Variants in NXN observed in about 807,000 individuals in gnomAD.
NXN encodes the protein nucleoredoxin.
A neutral mutation model predicts 48.6 loss-of-function variants in NXN; 16 were observed. The observed-to-expected ratio is 0.33, with a 90% CI of 0.22 to 0.50. The LOEUF is 0.50. Ranked by LOEUF, NXN falls within the 20% of genes least tolerant of loss-of-function variation. The probability of loss-of-function intolerance (pLI) is 0.98; values close to 1 mark genes in which losing one functional copy is unlikely to be tolerated. For synonymous variants in NXN, 281 were observed against 269.6 expected (o/e 1.04, Z -0.41); for missense variants, 492 against 605.5 (o/e 0.81, Z 1.97).
At position 956,707 on chromosome 17, in the gene NXN, G is replaced by A. The variant is rs999060384; in HGVS notation, c.360+22612C>T. Among the ~76,000 whole-genome samples, 5 of 152,160 alleles carry A rather than the reference G, an allele frequency of 3.3e-5. No homozygotes were observed. Among genetic ancestry groups the A allele is most frequent in the Non-Finnish European group, 5.9e-5 (4 of 68,040 alleles). On this transcript the variant is annotated intron_variant, in intron 1 of 7. Coordinates refer to ENST00000336868, the MANE Select transcript of NXN (RefSeq NM_022463.5). The surrounding 1 kb of genome is among the most constrained non-coding windows in gnomAD (Gnocchi z 4.1). ...TGGGATTACAGGCGTGAGCCACCGC[G>A]CCTGGCCAAGAGCTTTTTATATCAG...
In NXN at chr17:920,765, C is replaced by T. The variant is rs374419735; in HGVS notation, c.360+58554G>A. Reference sequence around the variant, plus strand: ...TGAAACAGAGTCTCGCCCTGTTGCCCAGGCTGGAGTGCAGTGGTGGGATCT... The same window carrying T: ...TGAAACAGAGTCTCGCCCTGTTGCCTAGGCTGGAGTGCAGTGGTGGGATCT... On this transcript the variant is annotated intron_variant, in intron 1 of 7. Coordinates refer to ENST00000336868, the MANE Select transcript of NXN (RefSeq NM_022463.5). This position sits in a 1 kb window ranked among gnomAD's most constrained non-coding sequence, Gnocchi z 4.6. Among the ~76,000 whole-genome samples the T allele has an allele frequency of 2.6e-5, 4 of 151,820 alleles. No homozygotes were observed. Among genetic ancestry groups the T allele is most frequent in the East Asian group, 1.9e-4 (1 of 5,162 alleles).
intron 5 of NXN, among the ~76,000 whole-genome samples, chr17:813,083 CTGAA>C (rs1912258887): frequency 6.6e-6 from 1 of 152,234 alleles, no homozygotes. Flanking sequence ...AACACGTCCA[CTGAA>C]TGACACTGGA....
chr17:903,049 G>A (rs535735397), intron 1 of NXN, among the ~76,000 whole-genome samples: 1 of 149,200 alleles, frequency 6.7e-6, no homozygotes, highest in Admixed American at 6.7e-5. Flanking sequence ...GGAATTACAG[G>A]CTGAGCCACC....
At chr17:807,356 G>C (rs1261435931) in intron 5 of NXN, among the ~76,000 whole-genome samples, 1 of 152,240 alleles carries the variant, frequency 6.6e-6, no homozygotes, top group Non-Finnish European at 1.5e-5. Flanking sequence ...GCCAGCCTGC[G>C]TGTGCCCCGG....
In NXN at chr17:812,658, CTGTAGGTGTGTGTGAG is replaced by C. The variant is rs1482882948; in HGVS notation, c.820+6765_820+6780del. Reference sequence around the variant, plus strand: ...TGTGTGTGAGTGTGCATGTGTGTGACTGTAGGTGTGTGTGAGTGTAGGTGTGTGCACATATGAATGT... The same window carrying C: ...TGTGTGTGAGTGTGCATGTGTGTGACTGTAGGTGTGTGCACATATGAATGT... On this transcript the variant is annotated intron_variant, in intron 5 of 7. Transcript: ENST00000336868. Among the ~76,000 whole-genome samples the C allele has an allele frequency of 1.2e-3, 127 of 107,988 alleles. 1 individual carries two copies. Among genetic ancestry groups the C allele is most frequent in the African/African-American group, 3.8e-3 (121 of 31,624 alleles). 70.8% of individuals were successfully genotyped at this position (107,988 alleles called of 152,430 possible).
chr17:811,514 G>A (rs1243349775), intron 5 of NXN, among the ~76,000 whole-genome samples: 1 of 152,084 alleles, frequency 6.6e-6, no homozygotes, highest in Non-Finnish European at 1.5e-5. Context: ...GGGGTTGGGG[G>A]GGGGGCAGCA....
intron 1 of NXN, among the ~76,000 whole-genome samples, chr17:861,904 A>T (rs2068044762): frequency 6.6e-6 from 1 of 151,986 alleles, no homozygotes; most frequent in Admixed American, 6.6e-5. Context: ...ATCTCAGCTC[A>T]CTGCAACCTC....
chr17:957,689 T>C (rs569099684), intron 1 of NXN, among the ~76,000 whole-genome samples: 1 of 150,904 alleles, frequency 6.6e-6, no homozygotes, highest in Non-Finnish European at 1.5e-5. Flanking sequence ...TTGGTTTGAG[T>C]GTGGCCTCCT....
rs2467253 is a variant in NXN, at chr17:819,794, A to G, written c.714-249T>C. The stretch of plus-strand genomic sequence containing the variant: ...CAGCCCACTTCAGCAGCTCCCATCC[A>G]GGCAACGCAACTCAGGTCCAACTTT... On this transcript the variant is annotated intron_variant, in intron 4 of 7. Transcript: ENST00000336868. Among the ~76,000 whole-genome samples the G allele has an allele frequency of 0.67, 101,400 of 151,386 alleles. 34,679 individuals are homozygous for G. Among genetic ancestry groups the G allele is most frequent in the African/African-American group, 0.81 (33,512 of 41,302 alleles).
intron 1 of NXN, among the ~76,000 whole-genome samples, chr17:967,499 T>A (rs560194394): frequency 9.9e-5 from 15 of 152,228 alleles, no homozygotes; most frequent in African/African-American, 3.6e-4. Flanking sequence ...GAGTTGATAT[T>A]CTACACACCT....
At chr17:944,009 G>A (rs1472321878) in intron 1 of NXN, among the ~76,000 whole-genome samples, 1 of 151,944 alleles carries the variant, frequency 6.6e-6, no homozygotes, top group Non-Finnish European at 1.5e-5. Context: ...AGGCCAAGGT[G>A]GGTGGATCAC....
chr17:882,199 G>A (rs868217211), intron 1 of NXN, among the ~76,000 whole-genome samples: 1 of 152,202 alleles, frequency 6.6e-6, no homozygotes, highest in Middle Eastern at 3.2e-3. Flanking sequence ...GGCACAGGGT[G>A]CTGCCTCCTG....
intron 1 of NXN, among the ~76,000 whole-genome samples, chr17:968,015 CTA>C: frequency 6.6e-6 from 1 of 151,890 alleles, no homozygotes; most frequent in East Asian, 1.9e-4. Flanking sequence ...AATGTGAATA[CTA>C]ACTGGATATT....
At chr17:804,145 G>C (rs921791614) in intron 6 of NXN, among the ~76,000 whole-genome samples, 47 of 152,202 alleles carry the variant, frequency 3.1e-4, no homozygotes, top group Non-Finnish European at 4.9e-4. Context: ...CAGGACCTGA[G>C]GCGCCTGCTA....
intron 5 of NXN, among the ~76,000 whole-genome samples, chr17:818,105 A>C (rs1182585434): frequency 6.6e-6 from 1 of 151,866 alleles, no homozygotes; most frequent in Non-Finnish European, 1.5e-5. Context: ...CTAAAAATAC[A>C]AAAAAATGAG....
At chr17:915,872 G>A (rs2068683770) in intron 1 of NXN, among the ~76,000 whole-genome samples, 1 of 151,990 alleles carries the variant, frequency 6.6e-6, no homozygotes, top group Non-Finnish European at 1.5e-5. Flanking sequence ...TATGGTGTCA[G>A]AGCTGGAACT....
intron 1 of NXN, among the ~76,000 whole-genome samples, chr17:861,821 G>A (rs967302546): frequency 6.6e-6 from 1 of 151,394 alleles, no homozygotes; most frequent in Non-Finnish European, 1.5e-5. Flanking sequence ...GAACATGAGG[G>A]GCTCTTTTTT....
At chr17:817,342 A>G (rs929643050) in intron 5 of NXN, among the ~76,000 whole-genome samples, 2 of 152,168 alleles carry the variant, frequency 1.3e-5, no homozygotes, top group Non-Finnish European at 2.9e-5. Flanking sequence ...ACAAACCCAT[A>G]TATGTATTCT....
intron 1 of NXN, among the ~76,000 whole-genome samples, chr17:894,625 G>A (rs2068456453): frequency 6.6e-6 from 1 of 151,240 alleles, no homozygotes; most frequent in African/African-American, 2.4e-5. Flanking sequence ...CAAACGCCCT[G>A]GAAGCCAGAG....
Sources: gnomAD v4.1 joint callset for allele counts (sites outside exome capture counted in the v4.1 genomes callset) on GRCh38, gnomAD v4.1.1 for gene constraint, Gnocchi (gnomAD v3.1) non-coding constraint, MANE v1.5 for transcripts, NCBI Gene and HGNC (gene_info 2026-07-23, HGNC 2026-07-21) for gene names.